Variants in INSYN2B observed in about 807,000 individuals in gnomAD.
The protein encoded by INSYN2B is inhibitory synaptic factor family member 2B.
In INSYN2B, 16 loss-of-function variants were observed where a neutral mutation model predicts 41.2. That is an observed-to-expected ratio of 0.39 (90% CI 0.26 to 0.59). INSYN2B has a LOEUF of 0.59. Among genes scored for constraint, INSYN2B ranks in the 20% least tolerant of loss-of-function variants. The pLI, the probability that INSYN2B is intolerant of heterozygous loss-of-function variation, is 0.57. For synonymous variants in INSYN2B, 245 were observed against 244.4 expected (o/e 1.00, Z -0.02); for missense variants, 608 against 646.4 (o/e 0.94, Z 0.64).
chr5:169,865,025 A>C (rs1187585993), intron 3 of INSYN2B, among the ~76,000 whole-genome samples: 3 of 152,192 alleles, frequency 2.0e-5, no homozygotes, highest in South Asian at 2.1e-4. Flanking sequence ...CATTAACATA[A>C]TTTCTACCAA....
chr5:169,875,282 G>A (rs1487566304), intron 3 of INSYN2B: 1 of 456,676 alleles, frequency 2.2e-6, no homozygotes, highest in Non-Finnish European at 4.4e-6. Flanking sequence ...TGATTCAGTG[G>A]CTTTGGGGCT....
chr5:169,921,095 G>C (rs1042599733), intron 1 of INSYN2B, among the ~76,000 whole-genome samples: 1 of 152,094 alleles, frequency 6.6e-6, no homozygotes, highest in Non-Finnish European at 1.5e-5. Context: ...CCAGTGTTTT[G>C]CTTCCATAAG....
chr5:169,883,626 G>A lies in INSYN2B; in HGVS notation c.273C>T (p.Gly91=), dbSNP rs1327608558. 3.2e-6 allele frequency: 5 copies of A among 1,551,534 alleles called. No individual in the cohort carries two copies. Among genetic ancestry groups the A allele is most frequent in the Non-Finnish European group, 4.4e-6 (5 of 1,146,888 alleles). The part of the protein sequence containing the change: ...LSFPRSQKAG[G]FRNIAIQTSP... ...AAGTTTGGATTGCAATGTTGCGAAAGCCCCCTGCCTTCTGGGACCTGGGGA... is the reference window on the plus strand; with the variant it reads ...AAGTTTGGATTGCAATGTTGCGAAAACCCCCTGCCTTCTGGGACCTGGGGA... Residue 91 remains glycine, a synonymous_variant, in exon 2 of 4, where the codon GGC becomes GGT. Transcript: ENST00000377365.
At chr5:169,972,864 G>A (rs1486497036) in intron 1 of INSYN2B, among the ~76,000 whole-genome samples, 2 of 152,142 alleles carry the variant, frequency 1.3e-5, no homozygotes, top group Non-Finnish European at 1.5e-5. Context: ...GCGGAATTGA[G>A]CAATGCAGAG....
At chr5:169,870,170 G>A (rs1042072347) in intron 3 of INSYN2B, among the ~76,000 whole-genome samples, 3 of 152,228 alleles carry the variant, frequency 2.0e-5, no homozygotes, top group East Asian at 1.9e-4. Context: ...GTCTGAACAC[G>A]GAGCCACGTT....
chr5:169,899,734 C>T (rs1773812578), intron 1 of INSYN2B, among the ~76,000 whole-genome samples: 1 of 152,152 alleles, frequency 6.6e-6, no homozygotes, highest in Non-Finnish European at 1.5e-5. Flanking sequence ...CTTTCCATTC[C>T]TTGTTGGCAT....
intron 1 of INSYN2B, among the ~76,000 whole-genome samples, chr5:169,918,377 CAT>C (rs1004260895): frequency 2.6e-5 from 4 of 152,164 alleles, no homozygotes; most frequent in Admixed American, 6.5e-5. Flanking sequence ...TACTCACACA[CAT>C]GTACAAGGAG....
chr5:169,881,422 C>G lies in INSYN2B; in HGVS notation c.1367G>C (p.Gly456Ala), dbSNP rs1426214897. The change falls in exon 3 of 4, where the codon GGC becomes GCC. Residue 456 changes from glycine (G) to alanine (A), a missense_variant. Coordinates refer to ENST00000377365, the MANE Select transcript of INSYN2B (RefSeq NM_001129891.3). The part of the protein sequence containing the change: ...LTEGRNFYRT[G>A]QDLNNCSTCQ... The stretch of plus-strand genomic sequence containing the variant: ...GGTACTGCAATTGTTGAGATCTTGG[C>G]CAGTTCGATAAAAGTTGCGCCTGCA... The G allele has an allele frequency of 1.3e-6, 2 of 1,551,324 alleles. No individual in the cohort carries two copies. Among genetic ancestry groups the G allele is most frequent in the Non-Finnish European group, 1.7e-6 (2 of 1,146,830 alleles).
chr5:169,869,445 C>A (rs981658219), intron 3 of INSYN2B, among the ~76,000 whole-genome samples: 1 of 152,150 alleles, frequency 6.6e-6, no homozygotes, highest in Non-Finnish European at 1.5e-5. Flanking sequence ...GTTTTTTAGG[C>A]CAAAGCAATT....
intron 1 of INSYN2B, among the ~76,000 whole-genome samples, chr5:169,970,104 A>G (rs1020058608): frequency 2.0e-5 from 3 of 152,202 alleles, no homozygotes; most frequent in African/African-American, 4.8e-5. Flanking sequence ...GGCCCCTTAA[A>G]GGCATGTTCA....
At chr5:169,965,098 C>T (rs904734843) in intron 1 of INSYN2B, among the ~76,000 whole-genome samples, 2 of 152,200 alleles carry the variant, frequency 1.3e-5, no homozygotes, top group Non-Finnish European at 2.9e-5. Context: ...TCATCCATTG[C>T]TGCACATAGT....
intron 1 of INSYN2B, among the ~76,000 whole-genome samples, chr5:169,966,506 A>G (rs753797628): frequency 1.3e-4 from 20 of 152,208 alleles, no homozygotes; most frequent in Non-Finnish European, 2.8e-4. Context: ...TAAGATCCCC[A>G]TGAAGTCAGC....
intron 1 of INSYN2B, among the ~76,000 whole-genome samples, chr5:169,954,511 A>AC (rs933104316): frequency 6.6e-6 from 1 of 152,126 alleles, no homozygotes; most frequent in Non-Finnish European, 1.5e-5. Context: ...CCTCTTGGCC[A>AC]CCCCCCTGAA....
intron 1 of INSYN2B, among the ~76,000 whole-genome samples, chr5:169,967,315 A>G (rs556383641): frequency 6.6e-6 from 1 of 152,300 alleles, no homozygotes; most frequent in Admixed American, 6.5e-5. Context: ...AGTAGAGGTG[A>G]CTATGTCAAT....
intron 1 of INSYN2B, 114 bp downstream of exon 1, chr5:169,980,163 C>G (rs756871519): frequency 1.6e-4 from 25 of 152,294 alleles, no homozygotes; most frequent in Admixed American, 1.1e-3. Context: ...AGCTCCCAGT[C>G]TCACTGTTGA....
intron 1 of INSYN2B, among the ~76,000 whole-genome samples, chr5:169,889,506 G>A (rs1773164387): frequency 6.6e-6 from 1 of 152,208 alleles, no homozygotes; most frequent in Non-Finnish European, 1.5e-5. Context: ...ACGTTGTACA[G>A]GGTAGGGGAA....
intron 1 of INSYN2B, among the ~76,000 whole-genome samples, chr5:169,897,605 C>T (rs573593658): frequency 6.6e-6 from 1 of 152,334 alleles, no homozygotes; most frequent in East Asian, 1.9e-4. Flanking sequence ...TTTCCAGAGA[C>T]AGAACCACAG....
intron 1 of INSYN2B, among the ~76,000 whole-genome samples, chr5:169,890,579 T>C (rs900687348): frequency 6.6e-6 from 1 of 152,164 alleles, no homozygotes; most frequent in Admixed American, 6.5e-5. Flanking sequence ...AAGGGTATAT[T>C]TTGGGGGTCT....
rs912950568 is a variant in INSYN2B, at chr5:169,882,942, C to T, written c.957G>A (p.Gln319=). Residue 319 remains glutamine (Q), a synonymous_variant, in exon 2 of 4, where the codon CAG becomes CAA. Transcript: ENST00000377365. ...HSSPSQGSHS[Q]PAHPGRASDC... is the part of the protein sequence containing the mutation. Reference sequence around the variant, plus strand: ...CTGAGGCTCTTCCTGGGTGGGCTGGCTGGCTGTGGGAGCCTTGTGAGGGGG... The same window carrying T: ...CTGAGGCTCTTCCTGGGTGGGCTGGTTGGCTGTGGGAGCCTTGTGAGGGGG... The T allele has an allele frequency of 4.5e-5, 70 of 1,551,664 alleles. No individual in the cohort carries two copies. Among genetic ancestry groups the T allele is most frequent in the Non-Finnish European group, 6.1e-5 (70 of 1,146,948 alleles).
Sources: allele counts gnomAD v4.1 joint callset (sites outside exome capture counted in the v4.1 genomes callset), GRCh38; gene constraint gnomAD v4.1.1; transcripts MANE v1.5; gene names NCBI Gene and HGNC (gene_info 2026-07-23, HGNC 2026-07-21).